TBXAS1: variants seen among roughly 807,000 people sequenced by gnomAD.
TBXAS1 encodes thromboxane A synthase 1.
In TBXAS1, 48 loss-of-function variants were observed where a neutral mutation model predicts 60.7. The observed-to-expected ratio is 0.79, with a 90% CI of 0.63 to 1.01. The LOEUF (loss-of-function observed/expected upper bound fraction) is 1.01. Among genes scored for constraint, TBXAS1 ranks in the 50% least tolerant of loss-of-function variants. The pLI is 0.00. For missense variants in TBXAS1, 685 were observed against 686.3 expected (o/e 1.00, Z 0.02); for synonymous variants, 287 against 269.7 (o/e 1.06, Z -0.63).
intron 10 of TBXAS1, among the ~76,000 whole-genome samples, chr7:140,011,293 C>CA (rs1169386195): frequency 5.4e-5 from 7 of 130,314 alleles, no homozygotes; most frequent in Middle Eastern, 3.7e-3. Flanking sequence ...AACAAACAAA[C>CA]AAACAAACAA....
chr7:139,957,330 C>CCCCA (rs78310998), intron 7 of TBXAS1, among the ~76,000 whole-genome samples: 2,141 of 152,320 alleles, frequency 0.014, 26 homozygotes, highest in Middle Eastern at 0.041. Flanking sequence ...CAGGTCTCAT[C>CCCCA]CCCAGGACCT....
intron 1 of TBXAS1, among the ~76,000 whole-genome samples, chr7:139,834,747 A>T (rs1225680993): frequency 6.6e-6 from 1 of 152,194 alleles, no homozygotes; most frequent in Non-Finnish European, 1.5e-5. Context: ...CTGGAAAAAT[A>T]CAATCCTCCT....
In TBXAS1 at chr7:139,961,806, T is replaced by C. The variant is rs10257856; in HGVS notation, c.820-113T>C. 13 of 1,310,464 alleles carry C rather than the reference T, an allele frequency of 9.9e-6. No individual in the cohort carries two copies. The African/African-American group carries it at 1.7e-4, about 18-fold the overall frequency. The allele number at this position is 1,310,464 out of a possible 1,614,324, so 81.2% of individuals were successfully genotyped here. ...ACCCAGCAATGAGGAAGCTTGTTGCTACTGAGCTCTTCAAAAGCTATGCCC... is the reference window on the plus strand; with the variant it reads ...ACCCAGCAATGAGGAAGCTTGTTGCCACTGAGCTCTTCAAAAGCTATGCCC... On this transcript the variant is annotated intron_variant, in intron 8 of 12. Transcript: ENST00000448866.
chr7:139,942,909 A>G (rs1358097328), intron 5 of TBXAS1, among the ~76,000 whole-genome samples: 2 of 152,238 alleles, frequency 1.3e-5, no homozygotes, highest in Non-Finnish European at 2.9e-5. Context: ...CTTGGAGACG[A>G]CATGTTACTC....
intron 5 of TBXAS1, among the ~76,000 whole-genome samples, chr7:139,952,016 G>GAA (rs1809451135): frequency 1.5e-5 from 2 of 137,244 alleles, no homozygotes; most frequent in African/African-American, 2.7e-5. Context: ...GAAAGAAAAA[G>GAA]AAAGGAAGGA....
At chr7:139,996,403 TG>T (rs144858236) in intron 9 of TBXAS1, among the ~76,000 whole-genome samples, 21,720 of 152,068 alleles carry the variant, frequency 0.14, 1,578 homozygotes, top group Admixed American at 0.2. Flanking sequence ...GCTCTGTGCT[TG>T]TTTTTCTTAC....
chr7:140,017,238 T>TGAGGTGCC (rs1172429287), intron 11 of TBXAS1, among the ~76,000 whole-genome samples: 1 of 152,124 alleles, frequency 6.6e-6, no homozygotes, highest in Non-Finnish European at 1.5e-5. Context: ...CAGGAGGTGC[T>TGAGGTGCC]GAGGTGCCCG....
At chr7:139,988,908 A>T (rs1422555798) in intron 9 of TBXAS1, among the ~76,000 whole-genome samples, 4 of 152,152 alleles carry the variant, frequency 2.6e-5, no homozygotes, top group Admixed American at 1.3e-4. Context: ...GCGATGGGCC[A>T]TTGGTAGGTA....
chr7:139,856,653 C>G (rs909759940), intron 1 of TBXAS1, among the ~76,000 whole-genome samples: 10 of 152,142 alleles, frequency 6.6e-5, no homozygotes, highest in African/African-American at 2.4e-4. Flanking sequence ...CGCAATTGAG[C>G]GTCATGCGCC....
chr7:139,788,706 A>G (rs149700426), intron 4 of TBXAS1, among the ~76,000 whole-genome samples: 7 of 152,368 alleles, frequency 4.6e-5, no homozygotes, highest in African/African-American at 7.2e-5. Flanking sequence ...GTGGAGGAGA[A>G]GAGGAAAGGC....
intron 9 of TBXAS1, among the ~76,000 whole-genome samples, chr7:139,998,801 C>T (rs73160821): frequency 1.6e-4 from 25 of 152,310 alleles, no homozygotes; most frequent in Non-Finnish European, 3.1e-4. Context: ...TGTGTGCGCA[C>T]GCAGCCTGGT....
chr7:139,970,388 T>G (rs1404019050), intron 9 of TBXAS1, among the ~76,000 whole-genome samples: 1 of 152,216 alleles, frequency 6.6e-6, no homozygotes. Flanking sequence ...ATTACAGGCG[T>G]GAGCCACCGT....
In TBXAS1 at chr7:140,020,068, A is replaced by C; in HGVS notation, c.1571A>C (p.Asn524Thr). The C allele has an allele frequency of 6.2e-7, 1 of 1,607,122 alleles. No homozygotes were observed. The highest frequency in any genetic ancestry group is 1.1e-5 in the South Asian group (1 of 90,918). ...LESKSALGPKNGVYIKIVSR is the reference protein window; with the variant it reads ...LESKSALGPKTGVYIKIVSR ...TCCAAATCTGCCCTAGGTCCAAAAA[A>C]TGGTGTCTATATCAAGATCGTATCC... Residue 524 changes from asparagine to threonine, a missense_variant, in exon 13 of 13, where the codon AAT (asparagine) becomes ACT (threonine). Physicochemically the swap from Asn to Thr is moderately conservative, Grantham distance 65. Coordinates refer to ENST00000448866, the MANE Select transcript of TBXAS1 (RefSeq NM_001061.7).
At chr7:140,007,294 G>A (rs889659423) in intron 10 of TBXAS1, 112 bp downstream of exon 10, 22 of 962,436 alleles carry the variant, frequency 2.3e-5, no homozygotes, top group Middle Eastern at 5.1e-4. Context: ...TTTCTGGAGG[G>A]CAACGCCTGA....
chr7:140,003,407 G>C lies in TBXAS1; in HGVS notation c.1135-3684G>C, dbSNP rs201051151. Among the ~76,000 whole-genome samples, 666 of 152,230 alleles carry C rather than the reference G, an allele frequency of 4.4e-3. 6 individuals carry two copies. The highest frequency in any genetic ancestry group is 0.015 in the African/African-American group (633 of 41,542). On this transcript the variant is annotated intron_variant, in intron 9 of 12. Coordinates refer to ENST00000448866, the MANE Select transcript of TBXAS1 (RefSeq NM_001061.7). Reference sequence around the variant, plus strand: ...TTTAGTAGAGACAGGGTTTCATCATGTTGGCCAGGCTGGTCTTGAACTCCT... The same window carrying C: ...TTTAGTAGAGACAGGGTTTCATCATCTTGGCCAGGCTGGTCTTGAACTCCT...
chr7:139,834,044 C>A (rs62490065), intron 1 of TBXAS1, among the ~76,000 whole-genome samples: 2 of 152,178 alleles, frequency 1.3e-5, no homozygotes, highest in South Asian at 4.1e-4. Context: ...TCTCCAAGAT[C>A]GACCATATGA....
chr7:140,003,467 A>T (rs1388201056), intron 9 of TBXAS1, among the ~76,000 whole-genome samples: 1 of 152,160 alleles, frequency 6.6e-6, no homozygotes, highest in African/African-American at 2.4e-5. Context: ...GGCCTCCCAA[A>T]GTGCTGGGAT....
intron 3 of TBXAS1, among the ~76,000 whole-genome samples, chr7:139,898,390 C>G (rs1025461143): frequency 7.3e-6 from 1 of 137,488 alleles, no homozygotes; most frequent in South Asian, 2.4e-4. Flanking sequence ...ACCTGAAAAT[C>G]AGAAGTTTCC....
intron 1 of TBXAS1, among the ~76,000 whole-genome samples, chr7:139,839,695 A>AAAAC (rs1554472247): frequency 1.4e-5 from 2 of 145,812 alleles, no homozygotes; most frequent in Admixed American, 6.8e-5. Context: ...AAAAAAAAAA[A>AAAAC]CAAATCAAAA....
Sources: gnomAD v4.1 joint callset for allele counts (sites outside exome capture counted in the v4.1 genomes callset) on GRCh38, gnomAD v4.1.1 for gene constraint, MANE v1.5 for transcripts, NCBI Gene and HGNC (gene_info 2026-07-23, HGNC 2026-07-21) for gene names.